The following DSCAM variants were observed in gnomAD, a reference collection of about 807,000 sequenced individuals.
DSCAM encodes the protein DS cell adhesion molecule.
DSCAM carries 47 observed loss-of-function variants against 217.7 expected under a neutral mutation model. The ratio of observed to expected loss-of-function variants is 0.22; its 90% confidence interval spans 0.17 to 0.28. The LOEUF (loss-of-function observed/expected upper bound fraction) is 0.28, where lower values mean the gene tolerates loss of function less well. Among genes scored for constraint, DSCAM ranks in the 10% least tolerant of loss-of-function variants. DSCAM has a pLI of 1.00. For missense variants in DSCAM, 2,080 were observed against 2,618.3 expected (o/e 0.79, Z 4.49); for synonymous variants, 1,056 against 1,015.3 (o/e 1.04, Z -0.76).
At chr21:40,374,730 G>C (rs1186666198) in intron 3 of DSCAM, among the ~76,000 whole-genome samples, 2 of 152,194 alleles carry the variant, frequency 1.3e-5, no homozygotes, top group Non-Finnish European at 2.9e-5. Context: ...GTATAGGTGT[G>C]ATTATAAGGG....
intron 21 of DSCAM, among the ~76,000 whole-genome samples, chr21:40,091,038 A>G (rs1456059990): frequency 2.0e-5 from 3 of 152,204 alleles, no homozygotes; most frequent in Non-Finnish European, 4.4e-5. Context: ...CAGGACAGAG[A>G]GACCAGGTGG....
At chr21:40,213,401 T>C (rs2091205362) in intron 11 of DSCAM, among the ~76,000 whole-genome samples, 1 of 152,142 alleles carries the variant, frequency 6.6e-6, no homozygotes, top group African/African-American at 2.4e-5. Context: ...AGGACTGTAA[T>C]GAGGTTTGCA....
intron 11 of DSCAM, among the ~76,000 whole-genome samples, chr21:40,231,394 G>C (rs1378301302): frequency 6.6e-6 from 1 of 152,080 alleles, no homozygotes; most frequent in Non-Finnish European, 1.5e-5. Context: ...CTCTGTTGTT[G>C]TATCTCGCTG....
At chr21:40,098,517 T>C (rs1260293123) in intron 20 of DSCAM, among the ~76,000 whole-genome samples, 1 of 152,216 alleles carries the variant, frequency 6.6e-6, no homozygotes, top group Non-Finnish European at 1.5e-5. Flanking sequence ...CCAAGTCTGG[T>C]GCTATTTCCT....
intron 10 of DSCAM, among the ~76,000 whole-genome samples, chr21:40,287,666 G>GC (rs896235613): frequency 6.6e-6 from 1 of 152,140 alleles, no homozygotes; most frequent in Non-Finnish European, 1.5e-5. Flanking sequence ...AGTTCCTGTT[G>GC]CCCCCTGTGA....
At chr21:40,791,670 A>T in intron 1 of DSCAM, among the ~76,000 whole-genome samples, 1 of 152,134 alleles carries the variant, frequency 6.6e-6, no homozygotes, top group Non-Finnish European at 1.5e-5. Context: ...CAAAAAGAAT[A>T]ATGAAATTTT....
At chr21:40,219,244 T>G (rs1016388609) in intron 11 of DSCAM, among the ~76,000 whole-genome samples, 2 of 152,222 alleles carry the variant, frequency 1.3e-5, no homozygotes, top group Non-Finnish European at 2.9e-5. Flanking sequence ...CCTGTGGCTT[T>G]TGTCTTTAGT....
At chr21:40,783,860 C>T (rs2091568624) in intron 1 of DSCAM, among the ~76,000 whole-genome samples, 1 of 152,112 alleles carries the variant, frequency 6.6e-6, no homozygotes, top group Non-Finnish European at 1.5e-5. Context: ...GGGAGCATAG[C>T]TCAAAGTAGC....
chr21:40,626,367 C>G (rs1342281042), intron 3 of DSCAM, among the ~76,000 whole-genome samples: 1 of 152,130 alleles, frequency 6.6e-6, no homozygotes, highest in Non-Finnish European at 1.5e-5. Context: ...TGAAATAACC[C>G]CCATCTGATC....
At chr21:40,751,945 G>A (rs2091233564) in intron 1 of DSCAM, among the ~76,000 whole-genome samples, 1 of 152,098 alleles carries the variant, frequency 6.6e-6, no homozygotes, top group South Asian at 2.1e-4. Flanking sequence ...CTGATCTGAT[G>A]CCTCTGTTCT....
chr21:40,760,294 G>A (rs1351867361), intron 1 of DSCAM, among the ~76,000 whole-genome samples: 1 of 152,102 alleles, frequency 6.6e-6, no homozygotes, highest in Non-Finnish European at 1.5e-5. Context: ...GGGATTAAAG[G>A]CAGGAGCCAC....
chr21:40,771,243 G>T (rs1360833585), intron 1 of DSCAM, among the ~76,000 whole-genome samples: 1 of 152,178 alleles, frequency 6.6e-6, no homozygotes, highest in Non-Finnish European at 1.5e-5. Flanking sequence ...ATTTTACCAG[G>T]TATTTTCATT....
At chr21:40,820,179 T>C (rs2091913713) in intron 1 of DSCAM, among the ~76,000 whole-genome samples, 2 of 152,096 alleles carry the variant, frequency 1.3e-5, no homozygotes, top group African/African-American at 4.8e-5. Context: ...ATTACAGCAC[T>C]ATATATAATA....
chr21:40,845,076 G>A (rs1016389816), intron 1 of DSCAM, among the ~76,000 whole-genome samples: 18 of 152,100 alleles, frequency 1.2e-4, no homozygotes, highest in African/African-American at 2.4e-4. Flanking sequence ...ACACATCTCC[G>A]CATGTTCCCT....
At chr21:40,032,310 G>A (rs1021485037) in intron 32 of DSCAM, among the ~76,000 whole-genome samples, 6 of 152,186 alleles carry the variant, frequency 3.9e-5, no homozygotes, top group African/African-American at 9.6e-5. Flanking sequence ...TTTCCAATCC[G>A]TCTTTTATTC....
intron 3 of DSCAM, among the ~76,000 whole-genome samples, chr21:40,644,027 G>A (rs984939246): frequency 6.6e-6 from 1 of 152,164 alleles, no homozygotes; most frequent in Non-Finnish European, 1.5e-5. Context: ...GGCAGATCTT[G>A]TTAAACTCCC....
chr21:40,153,959 T>TA (rs2090450058), intron 16 of DSCAM, among the ~76,000 whole-genome samples: 2 of 152,300 alleles, frequency 1.3e-5, no homozygotes, highest in South Asian at 2.1e-4. Flanking sequence ...ATAAAACTGT[T>TA]AGACCTTCCT....
chr21:40,690,767 G>A (rs1012428127), intron 3 of DSCAM, among the ~76,000 whole-genome samples: 2 of 152,186 alleles, frequency 1.3e-5, no homozygotes, highest in African/African-American at 4.8e-5. Context: ...CAATGAGGAT[G>A]CTGCTAATTA....
chr21:40,119,414 G>A lies in DSCAM; in HGVS notation c.3696+4781C>T, dbSNP rs191922548. The stretch of plus-strand genomic sequence containing the variant: ...ATGTGTTTGTGGGCACATTGAATGC[G>A]AAGTACTGGAGAGGTCTTCCTGAGT... On this transcript the variant is annotated intron_variant, in intron 20 of 32. Coordinates refer to ENST00000400454, the MANE Select transcript of DSCAM (RefSeq NM_001389.5). Among the ~76,000 whole-genome samples, 69 of 152,272 alleles carry A rather than the reference G, an allele frequency of 4.5e-4. 1 individual carries two copies. Among genetic ancestry groups the A allele is most frequent in the African/African-American group, 1.3e-3 (54 of 41,554 alleles).
Sources: gnomAD v4.1 joint callset for allele counts (sites outside exome capture counted in the v4.1 genomes callset) on GRCh38, gnomAD v4.1.1 for gene constraint, MANE v1.5 for transcripts, NCBI Gene and HGNC (gene_info 2026-07-23, HGNC 2026-07-21) for gene names.